N4BP2L2: variants seen among roughly 807,000 people sequenced by gnomAD.
N4BP2L2 encodes NEDD4-binding protein 2-like 2.
In N4BP2L2, 50 loss-of-function variants were observed where a neutral mutation model predicts 56.2. The observed-to-expected ratio is 0.89, with a 90% CI of 0.71 to 1.13. The LOEUF (loss-of-function observed/expected upper bound fraction) is 1.13, where lower values mean the gene tolerates loss of function less well. N4BP2L2 is among the 50% of genes most tolerant of loss of function. The probability of loss-of-function intolerance (pLI) is 0.00; values close to 1 mark genes in which losing one functional copy is unlikely to be tolerated. For synonymous variants in N4BP2L2, 203 were observed against 223.6 expected, an observed-to-expected ratio of 0.91 and a Z score of 0.82; for missense variants, 689 against 693.8, an observed-to-expected ratio of 0.99 and a Z score of 0.08.
chr13:32,527,778 TC>T (rs2053490280), intron 2 of N4BP2L2, among the ~76,000 whole-genome samples: 1 of 134,414 alleles, frequency 7.4e-6, no homozygotes, highest in African/African-American at 2.8e-5. Context: ...TAACAGAAAC[TC>T]TTTTTTTTTT....
exon 6 of N4BP2L2, chr13:32,514,671 T>C (rs1398061403): frequency 6.6e-6 from 1 of 152,208 alleles, no homozygotes. Flanking sequence ...ACTGTCTGAA[T>C]AGAATTTTGA....
intron 6 of N4BP2L2, chr13:32,446,220 C>T (rs1022572891): frequency 4.2e-6 from 2 of 473,978 alleles, no homozygotes; most frequent in African/African-American, 4.1e-5. Flanking sequence ...CTTGTTTACA[C>T]ATTTCTAGAT....
At chr13:32,513,264 A>G (rs527840742) in exon 6 of N4BP2L2, 5 of 152,364 alleles carry the variant, frequency 3.3e-5, no homozygotes, top group African/African-American at 1.2e-4. Context: ...GGCTTAACAT[A>G]TTTGGCAATT....
intron 7 of N4BP2L2, chr13:32,442,344 T>C (rs1295069197): frequency 6.9e-7 from 1 of 1,449,784 alleles, no homozygotes; most frequent in East Asian, 2.4e-5. Flanking sequence ...TACTTACATA[T>C]GTTAAACTGG....
At chr13:32,479,219 T>G (rs1221230083) in intron 6 of N4BP2L2, among the ~76,000 whole-genome samples, 1 of 152,126 alleles carries the variant, frequency 6.6e-6, no homozygotes. Context: ...GATAAATATG[T>G]GAAGGAAATC....
At chr13:32,528,630 G>C (rs1003158919) in intron 2 of N4BP2L2, among the ~76,000 whole-genome samples, 18 of 152,100 alleles carry the variant, frequency 1.2e-4, no homozygotes, top group African/African-American at 4.3e-4. Flanking sequence ...AACAACGAGA[G>C]TATTTTGTTG....
chr13:32,485,545 A>G (rs2085670810), intron 6 of N4BP2L2, among the ~76,000 whole-genome samples: 2 of 152,248 alleles, frequency 1.3e-5, no homozygotes, highest in South Asian at 4.1e-4. Flanking sequence ...CCTCAAAAAA[A>G]TAGCTGACTA....
intron 8 of N4BP2L2, among the ~76,000 whole-genome samples, chr13:32,436,860 C>T (rs1205366230): frequency 1.1e-4 from 15 of 131,642 alleles, no homozygotes; most frequent in East Asian, 4.4e-4. Flanking sequence ...TATCTAATAT[C>T]TATCTATTTA....
chr13:32,538,646 A>G (rs1594141649), exon 1 of N4BP2L2: 1 of 985,218 alleles, frequency 1.0e-6, no homozygotes, highest in African/African-American at 1.7e-5. Context: ...ATTGACCTTT[A>G]CCTCCCAATA....
intron 6 of N4BP2L2, among the ~76,000 whole-genome samples, chr13:32,500,838 A>G (rs1470356296): frequency 1.3e-5 from 2 of 149,328 alleles, no homozygotes; most frequent in Non-Finnish European, 3.0e-5. Context: ...ACTGAGTCTT[A>G]TGACAACTCT....
chr13:32,528,917 C>G (rs2053858581), intron 2 of N4BP2L2, among the ~76,000 whole-genome samples: 1 of 152,186 alleles, frequency 6.6e-6, no homozygotes, highest in African/African-American at 2.4e-5. Flanking sequence ...CAGGACCACA[C>G]TTGCTGCTCA....
chr13:32,482,482 CT>C (rs2084958711), intron 6 of N4BP2L2, among the ~76,000 whole-genome samples: 1 of 152,030 alleles, frequency 6.6e-6, no homozygotes, highest in Non-Finnish European at 1.5e-5. Flanking sequence ...CCACTTCAGC[CT>C]CCTAAGGAGC....
intron 1 of N4BP2L2, among the ~76,000 whole-genome samples, chr13:32,537,247 A>G (rs2056778185): frequency 6.6e-6 from 1 of 151,760 alleles, no homozygotes; most frequent in Non-Finnish European, 1.5e-5. Flanking sequence ...TCCTTTTTGA[A>G]AAATATATAT....
intron 5 of N4BP2L2, among the ~76,000 whole-genome samples, chr13:32,520,253 T>C (rs1381333305): frequency 6.6e-6 from 1 of 152,006 alleles, no homozygotes; most frequent in African/African-American, 2.4e-5. Flanking sequence ...CACTGAATTG[T>C]ATGCAATTAA....
At chr13:32,502,614 T>C (rs772849037) in intron 6 of N4BP2L2, among the ~76,000 whole-genome samples, 15 of 152,338 alleles carry the variant, frequency 9.8e-5, no homozygotes, top group South Asian at 4.1e-4. Flanking sequence ...TGAGGAAAAG[T>C]TTCAGAAAAT....
chr13:32,455,874 G>T (rs1204642024), intron 6 of N4BP2L2, among the ~76,000 whole-genome samples: 2 of 152,186 alleles, frequency 1.3e-5, no homozygotes, highest in Non-Finnish European at 2.9e-5. Context: ...CCACCTGGAG[G>T]TCTGGGGACT....
At chr13:32,459,954 C>T (rs552624840) in intron 6 of N4BP2L2, among the ~76,000 whole-genome samples, 2 of 152,222 alleles carry the variant, frequency 1.3e-5, no homozygotes, top group South Asian at 4.2e-4. Context: ...AAGGATAATA[C>T]ACTATAAGCA....
chr13:32,536,997 A>G (rs1392706551), exon 2 of N4BP2L2: 4 of 1,585,828 alleles, frequency 2.5e-6, no homozygotes, highest in East Asian at 4.5e-5. Context: ...CTAGGTCCCA[A>G]GAATTTACCT....
chr13:32,490,867 C>T (rs918731353), intron 6 of N4BP2L2, among the ~76,000 whole-genome samples: 1 of 152,120 alleles, frequency 6.6e-6, no homozygotes, highest in African/African-American at 2.4e-5. Context: ...TCACCTCCTG[C>T]TGTGCAGCCC....
Sources: allele counts gnomAD v4.1 joint callset (sites outside exome capture counted in the v4.1 genomes callset), GRCh38; gene constraint gnomAD v4.1.1; transcripts MANE v1.5; gene names NCBI Gene and HGNC (gene_info 2026-07-23, HGNC 2026-07-21).